The following ARB2A variants were observed in gnomAD, a reference collection of about 807,000 sequenced individuals.
The protein encoded by ARB2A is ARB2 cotranscriptional regulator A.
At chr5:93,968,931 G>A in the ARB2A span, among the ~76,000 whole-genome samples, 1 of 150,378 alleles carries the variant, frequency 6.6e-6, no homozygotes, top group African/African-American at 2.4e-5. Flanking sequence ...CACCAACCTA[G>A]AATTTTATAT....
At chr5:93,896,306 T>C in the ARB2A span, among the ~76,000 whole-genome samples, 5 of 152,130 alleles carry the variant, frequency 3.3e-5, no homozygotes, top group Non-Finnish European at 5.9e-5. Flanking sequence ...TTTTGAGTAC[T>C]GACATGACAG....
the ARB2A span, among the ~76,000 whole-genome samples, chr5:93,984,230 T>A: frequency 6.6e-6 from 1 of 152,092 alleles, no homozygotes; most frequent in Non-Finnish European, 1.5e-5. Flanking sequence ...GGAATTTACA[T>A]AATTACAAGG....
At chr5:93,716,841 T>C in the ARB2A span, among the ~76,000 whole-genome samples, 1 of 152,090 alleles carries the variant, frequency 6.6e-6, no homozygotes, top group African/African-American at 2.4e-5. Context: ...TATTCTTCAA[T>C]TGAAAAAAAA....
At chr5:93,703,655 T>C in the ARB2A span, among the ~76,000 whole-genome samples, 1 of 152,206 alleles carries the variant, frequency 6.6e-6, no homozygotes, top group East Asian at 1.9e-4. Flanking sequence ...AGTCACTAAA[T>C]GATGTACTGT....
At chr5:94,088,166 G>C in the ARB2A span, among the ~76,000 whole-genome samples, 1 of 152,104 alleles carries the variant, frequency 6.6e-6, no homozygotes, top group Non-Finnish European at 1.5e-5. Flanking sequence ...AGGATAAACA[G>C]GTACTGAGTA....
the ARB2A span, among the ~76,000 whole-genome samples, chr5:93,789,052 T>C: frequency 6.6e-6 from 1 of 152,204 alleles, no homozygotes. Context: ...GGTAGGGATG[T>C]ATATATGTGC....
the ARB2A span, among the ~76,000 whole-genome samples, chr5:93,792,477 G>A: frequency 6.6e-6 from 1 of 151,952 alleles, no homozygotes; most frequent in Non-Finnish European, 1.5e-5. Flanking sequence ...TCTGACCTCT[G>A]GGTAGAACTC....
the ARB2A span, among the ~76,000 whole-genome samples, chr5:93,888,847 G>A: frequency 1.1e-4 from 16 of 151,600 alleles, no homozygotes; most frequent in Non-Finnish European, 4.4e-5. Context: ...GAGTCCACCT[G>A]CAAGTATGAG....
At chr5:94,089,569 A>G in the ARB2A span, among the ~76,000 whole-genome samples, 5 of 149,878 alleles carry the variant, frequency 3.3e-5, no homozygotes, top group Non-Finnish European at 7.4e-5. Flanking sequence ...ATATATTTTA[A>G]TAACTATTGG....
the ARB2A span, among the ~76,000 whole-genome samples, chr5:93,696,736 G>A: frequency 6.6e-6 from 1 of 152,016 alleles, no homozygotes; most frequent in Non-Finnish European, 1.5e-5. Context: ...CACATTCATG[G>A]CTCTCCTCTC....
the ARB2A span, among the ~76,000 whole-genome samples, chr5:94,027,071 C>T: frequency 6.6e-6 from 1 of 152,162 alleles, no homozygotes; most frequent in Admixed American, 6.5e-5. Context: ...GGACTTTATT[C>T]ACCACAGCAC....
At chr5:94,108,049 G>T in the ARB2A span, among the ~76,000 whole-genome samples, 9 of 152,060 alleles carry the variant, frequency 5.9e-5, no homozygotes, top group Non-Finnish European at 1.0e-4. Context: ...TCCATCTAGT[G>T]AAATCAAACT....
chr5:93,865,116 C>G, the ARB2A span, among the ~76,000 whole-genome samples: 2 of 152,082 alleles, frequency 1.3e-5, no homozygotes, highest in African/African-American at 2.4e-5. Flanking sequence ...CGGAGTCTCT[C>G]TGTCGCCCAG....
At chr5:93,994,130 G>C in the ARB2A span, among the ~76,000 whole-genome samples, 1 of 152,056 alleles carries the variant, frequency 6.6e-6, no homozygotes. Flanking sequence ...ATTAAAAACA[G>C]AATTACTAAG....
the ARB2A span, among the ~76,000 whole-genome samples, chr5:94,071,961 T>A: frequency 6.6e-6 from 1 of 151,998 alleles, no homozygotes; most frequent in Non-Finnish European, 1.5e-5. Flanking sequence ...CTGGAATCAA[T>A]CCAAATGCCC....
the ARB2A span, among the ~76,000 whole-genome samples, chr5:93,750,503 T>C: frequency 2.0e-5 from 3 of 152,150 alleles, no homozygotes; most frequent in Non-Finnish European, 4.4e-5. Flanking sequence ...TCACTTATAT[T>C]TGTGGCCTTA....
chr5:93,689,328 TC>T, the ARB2A span, among the ~76,000 whole-genome samples: 1 of 152,330 alleles, frequency 6.6e-6, no homozygotes, highest in South Asian at 2.1e-4. Context: ...GAAGGTTGTG[TC>T]CTTAGCACCT....
the ARB2A span, among the ~76,000 whole-genome samples, chr5:93,978,987 T>A: frequency 6.6e-6 from 1 of 152,064 alleles, no homozygotes; most frequent in Non-Finnish European, 1.5e-5. Context: ...ATGTACTGCA[T>A]GTTAAGTAGC....
chr5:93,934,875 A>T, the ARB2A span, among the ~76,000 whole-genome samples: 3 of 151,844 alleles, frequency 2.0e-5, no homozygotes, highest in African/African-American at 4.9e-5. Flanking sequence ...CTTACTGTAT[A>T]AAAAAACTGG....
Sources: allele counts gnomAD v4.1 joint callset (sites outside exome capture counted in the v4.1 genomes callset), GRCh38; gene constraint gnomAD v4.1.1; transcripts MANE v1.5; gene names NCBI Gene and HGNC (gene_info 2026-07-23, HGNC 2026-07-21).